SLIT2: variants seen among roughly 807,000 people sequenced by gnomAD.
SLIT2 encodes the protein slit homolog 2 protein.
In SLIT2, 41 loss-of-function variants were observed where a neutral mutation model predicts 185.7. That is an observed-to-expected ratio of 0.22 (90% CI 0.17 to 0.29). SLIT2 has a LOEUF of 0.29. Ranked by LOEUF, SLIT2 falls within the 10% of genes least tolerant of loss-of-function variation. The pLI, the probability that SLIT2 is intolerant of heterozygous loss-of-function variation, is 1.00. For missense variants in SLIT2, 1,571 were observed against 1,909.0 expected (o/e 0.82, Z 3.30); for synonymous variants, 693 against 680.2 (o/e 1.02, Z -0.29).
intron 3 of SLIT2, among the ~76,000 whole-genome samples, chr4:20,268,542 G>T (rs922015995): frequency 5.3e-5 from 8 of 151,808 alleles, no homozygotes; most frequent in Non-Finnish European, 1.2e-4. Context: ...TTATCATTGT[G>T]TGTATTCTGG....
At chr4:20,533,547 C>A (rs1167071543) in intron 17 of SLIT2, 25 bp from the exon 18 acceptor site, 1 of 1,564,526 alleles carries the variant, frequency 6.4e-7, no homozygotes, top group Non-Finnish European at 8.8e-7. Context: ...TATTTAAAAC[C>A]TTTGTTCCAA....
intron 4 of SLIT2, among the ~76,000 whole-genome samples, chr4:20,456,237 G>C (rs777754521): frequency 4.6e-5 from 7 of 152,098 alleles, no homozygotes; most frequent in Non-Finnish European, 1.0e-4. Context: ...TAGTCCTCTA[G>C]TCAGTGTTTT....
rs78959389 is a variant in SLIT2 at position 20,266,518 on chromosome 4, C to T, written c.324-2292C>T. On this transcript the variant is annotated intron_variant, in intron 3 of 36. Coordinates refer to ENST00000504154, the MANE Select transcript of SLIT2 (RefSeq NM_004787.4). ...TTAATATAAAATGTAAATGCTAGGG[C>T]CTTGCTGAAATATATCAAAATACTA... 6.7e-4 allele frequency among the ~76,000 whole-genome samples: 102 copies of T among 151,992 alleles called. 1 individual carries two copies. In the East Asian group the frequency reaches 0.019, roughly 28 times the overall value.
At chr4:20,549,154 A>C (rs200144123) in intron 24 of SLIT2, 26 bp downstream of exon 24, 1 of 1,401,270 alleles carries the variant, frequency 7.1e-7, no homozygotes, top group Non-Finnish European at 1.0e-6. Context: ...TCAACAGAAT[A>C]TCTCTTTTCT....
At chr4:20,264,793 G>A (rs1577340400) in intron 3 of SLIT2, among the ~76,000 whole-genome samples, 1 of 151,950 alleles carries the variant, frequency 6.6e-6, no homozygotes, top group East Asian at 1.9e-4. Flanking sequence ...CTTTGCCCTG[G>A]GAGAAAGTAT....
intron 4 of SLIT2, among the ~76,000 whole-genome samples, chr4:20,436,745 G>A (rs1049340823): frequency 2.8e-4 from 42 of 152,274 alleles, no homozygotes; most frequent in African/African-American, 9.9e-4. Context: ...ATGAAGCGGA[G>A]AAATTGCTAC....
intron 4 of SLIT2, among the ~76,000 whole-genome samples, chr4:20,350,911 A>T (rs762112539): frequency 6.6e-6 from 1 of 152,234 alleles, no homozygotes; most frequent in Non-Finnish European, 1.5e-5. Context: ...CTATTAAATT[A>T]TCTTTTTAAT....
At position 20,467,196 on chromosome 4, in the gene SLIT2, T is replaced by C. The variant is rs565571974; in HGVS notation, c.396-556T>C. On this transcript the variant is annotated intron_variant, in intron 4 of 36. Coordinates refer to ENST00000504154, the MANE Select transcript of SLIT2 (RefSeq NM_004787.4). ...TTTATGTAAACCTGCTATTAATATT[T>C]TATGCATAAACTGTTCGTTTTATTG... 1.4e-4 allele frequency among the ~76,000 whole-genome samples: 22 copies of C among 152,314 alleles called. No individual in the cohort carries two copies. In the East Asian group the frequency reaches 4.2e-3, roughly 29 times the overall value.
At chr4:20,399,053 G>T (rs553645151) in intron 4 of SLIT2, among the ~76,000 whole-genome samples, 1 of 151,666 alleles carries the variant, frequency 6.6e-6, no homozygotes, top group South Asian at 2.1e-4. Flanking sequence ...GTACTTTGTG[G>T]TATTCAAGCA....
chr4:20,600,747 C>A (rs1728348592), intron 33 of SLIT2, among the ~76,000 whole-genome samples: 1 of 151,890 alleles, frequency 6.6e-6, no homozygotes, highest in Non-Finnish European at 1.5e-5. Context: ...AAATGTGAGG[C>A]CTAGAGCAAA....
chr4:20,368,072 A>G (rs1163044031), intron 4 of SLIT2, among the ~76,000 whole-genome samples: 1 of 152,130 alleles, frequency 6.6e-6, no homozygotes, highest in Non-Finnish European at 1.5e-5. Context: ...GTCTTGCTAG[A>G]CAAATTGTGC....
chr4:20,547,513 A>G (rs1422765202), intron 22 of SLIT2, among the ~76,000 whole-genome samples: 1 of 152,020 alleles, frequency 6.6e-6, no homozygotes, highest in African/African-American at 2.4e-5. Flanking sequence ...AGCTCCTCTC[A>G]GATTCTTAAC....
At chr4:20,341,084 C>T (rs2109231788) in intron 4 of SLIT2, among the ~76,000 whole-genome samples, 1 of 152,218 alleles carries the variant, frequency 6.6e-6, no homozygotes, top group South Asian at 2.1e-4. Context: ...AAAAGACAGC[C>T]AGTGTAGGGC....
At chr4:20,464,549 T>C (rs1238440404) in intron 4 of SLIT2, among the ~76,000 whole-genome samples, 1 of 152,206 alleles carries the variant, frequency 6.6e-6, no homozygotes, top group African/African-American at 2.4e-5. Flanking sequence ...CTGACTCATT[T>C]TGCTCATTCC....
chr4:20,561,423 C>T (rs891766601), intron 26 of SLIT2, among the ~76,000 whole-genome samples: 5 of 151,612 alleles, frequency 3.3e-5, no homozygotes, highest in Admixed American at 6.6e-5. Context: ...CCATTTTGGA[C>T]GAGTTTTTGA....
In SLIT2 at chr4:20,319,821, A is replaced by C. The variant is rs538349367; in HGVS notation, c.395+50940A>C. 2.6e-5 allele frequency among the ~76,000 whole-genome samples: 4 copies of C among 151,872 alleles called. No individual in the cohort carries two copies. The South Asian group carries it at 8.3e-4, about 32-fold the overall frequency. On this transcript the variant is annotated intron_variant, in intron 4 of 36. Coordinates refer to ENST00000504154, the MANE Select transcript of SLIT2 (RefSeq NM_004787.4). Reference sequence around the variant, plus strand: ...CACTAAAAAACAAAACAAAAAAAAAACAAAAACCATAACATCCCCAAACCA... The same window carrying C: ...CACTAAAAAACAAAACAAAAAAAAACCAAAAACCATAACATCCCCAAACCA...
intron 4 of SLIT2, among the ~76,000 whole-genome samples, chr4:20,314,394 T>G (rs1718393772): frequency 6.6e-6 from 1 of 152,182 alleles, no homozygotes. Flanking sequence ...ACACACTTAC[T>G]CAACGGTTTG....
intron 26 of SLIT2, among the ~76,000 whole-genome samples, chr4:20,562,954 CT>C (rs574100043): frequency 2.0e-5 from 3 of 151,736 alleles, no homozygotes; most frequent in African/African-American, 7.3e-5. Context: ...TTGTCTGGAG[CT>C]TTTGGTAATA....
At chr4:20,591,073 A>G (rs1266213781) in intron 30 of SLIT2, among the ~76,000 whole-genome samples, 1 of 152,194 alleles carries the variant, frequency 6.6e-6, no homozygotes, top group East Asian at 1.9e-4. Context: ...TCCTTCAAGC[A>G]ATATTTATTG....
Sources: allele counts gnomAD v4.1 joint callset (sites outside exome capture counted in the v4.1 genomes callset), GRCh38; gene constraint gnomAD v4.1.1; transcripts MANE v1.5; gene names NCBI Gene and HGNC (gene_info 2026-07-23, HGNC 2026-07-21).